ZNF236: variants seen among roughly 807,000 people sequenced by gnomAD.
ZNF236 encodes the protein regulated by glucose.
A neutral mutation model predicts 191.2 loss-of-function variants in ZNF236; 50 were observed. The ratio of observed to expected loss-of-function variants is 0.26; its 90% CI spans 0.21 to 0.33. ZNF236 has a LOEUF of 0.33. Among genes scored for constraint, ZNF236 ranks in the 10% least tolerant of loss-of-function variants. The pLI is 1.00. For synonymous variants in ZNF236, 907 were observed against 928.8 expected (o/e 0.98, Z 0.43); for missense variants, 1,754 against 2,374.5 (o/e 0.74, Z 5.43).
At chr18:76,955,315 G>A (rs1968496867) in intron 27 of ZNF236, among the ~76,000 whole-genome samples, 1 of 152,174 alleles carries the variant, frequency 6.6e-6, no homozygotes, top group Admixed American at 6.5e-5. Context: ...GTGCGGGAGG[G>A]CTGGGGTGGG....
Position 76,881,467 on chromosome 18 carries a change from A to T in ZNF236, c.1372A>T (p.Lys458Ter), listed in dbSNP as rs1275650499. ...ACAGGAAAGCCCGGAGAAACTGGAT[A>T]AAAAAGAAAAAAAAATGATAAAGAA... ...KEQESPEKLD[K>*]KEKKMIKKKS... The change falls in exon 9 of 31, where the codon AAA (lysine) becomes TAA (stop). Residue 458 changes from lysine (K) to a stop codon, truncating the protein, a stop_gained. Coordinates refer to ENST00000320610, the MANE Select transcript of ZNF236 (RefSeq NM_001306089.2). LOFTEE classifies it high-confidence loss of function. 1 of 1,613,120 alleles carries T rather than the reference A, an allele frequency of 6.2e-7. No homozygotes were observed. Among genetic ancestry groups the T allele is most frequent in the African/African-American group, 1.3e-5 (1 of 74,852 alleles).
At chr18:76,930,100 T>A (rs975248959) in intron 25 of ZNF236, among the ~76,000 whole-genome samples, 7 of 152,218 alleles carry the variant, frequency 4.6e-5, no homozygotes, top group African/African-American at 1.7e-4. Context: ...GTATATAAAA[T>A]TGGGAACCAA....
In ZNF236 at chr18:76,849,432, A is replaced by C. The variant is rs187006925; in HGVS notation, c.56-94A>C. The C allele has an allele frequency of 9.0e-6, 9 of 1,000,180 alleles. No homozygotes were observed. The Admixed American group carries it at 2.3e-4, about 26-fold the overall frequency. 62.0% of individuals were successfully genotyped at this position (1,000,180 alleles called of 1,614,324 possible). ...AAATGTCACATAAATCTCTGACATA[A>C]TTTGGTTTTTAAACAATAACCAATA... On this transcript the variant is annotated intron_variant, in intron 1 of 30. Transcript: ENST00000320610.
intron 3 of ZNF236, among the ~76,000 whole-genome samples, chr18:76,866,001 C>T (rs575718465): frequency 3.2e-4 from 48 of 152,278 alleles, no homozygotes; most frequent in Non-Finnish European, 4.6e-4. Context: ...ACTACTCTGT[C>T]CAAATAAATC....
chr18:76,851,855 A>G lies in ZNF236; in HGVS notation c.279A>G (p.Glu93=). The change falls in exon 3 of 31, where the codon GAA becomes GAG. Residue 93 remains glutamate (E), a synonymous_variant. Transcript: ENST00000320610. ...LTLHKCTHSG[E]DPTCPVCNKK... ...TTCATAAATGCACCCACAGCGGGGA[A>G]GATCCTACCTGCCCTGTGTGTAACA... 6.2e-7 allele frequency: 1 copy of G among 1,614,146 alleles called. No homozygotes were observed. Among genetic ancestry groups the G allele is most frequent in the Non-Finnish European group, 8.5e-7 (1 of 1,180,002 alleles).
In ZNF236 at chr18:76,972,272, T is replaced by C. The variant is rs1968917498; in HGVS notation, c.*3933T>C. Among the ~76,000 whole-genome samples the C allele has an allele frequency of 6.6e-6, 1 of 152,236 alleles. No individual in the cohort carries two copies. The highest frequency in any genetic ancestry group is 2.4e-5 in the African/African-American group (1 of 41,462). On this transcript the variant is annotated 3_prime_UTR_variant, in exon 31 of 31. Coordinates refer to ENST00000320610, the MANE Select transcript of ZNF236 (RefSeq NM_001306089.2). ...TGGAGAAAGTGGGAACCACAGAGCT[T>C]TTCGTGGGCCAGATGCCCACATATT...
chr18:76,939,161 C>T (rs866685700), intron 26 of ZNF236, among the ~76,000 whole-genome samples: 12 of 152,076 alleles, frequency 7.9e-5, no homozygotes, highest in Admixed American at 2.0e-4. Context: ...GGGGAAACTC[C>T]GTCGCTACTA....
chr18:76,967,811 C>T (rs1248992477), intron 30 of ZNF236, among the ~76,000 whole-genome samples: 3 of 151,446 alleles, frequency 2.0e-5, no homozygotes, highest in Admixed American at 2.0e-4. Context: ...GTGTAGGGAA[C>T]CCGAGGGCAG....
chr18:76,853,277 C>T (rs973551877), intron 3 of ZNF236, among the ~76,000 whole-genome samples: 6 of 151,930 alleles, frequency 3.9e-5, no homozygotes, highest in South Asian at 4.2e-4. Flanking sequence ...TAGGGTTTCA[C>T]CATGTTGGCC....
Position 76,925,631 on chromosome 18 carries a change from A to C in ZNF236, c.4027+77A>C. ...TGCTGCTTCTGTCTGTTCCCACGAC[A>C]GAAGAGATGTTGTTTACCGTAGCAC... On this transcript the variant is annotated intron_variant, in intron 22 of 30. Transcript: ENST00000320610. This position sits in a 1 kb window ranked among gnomAD's most constrained non-coding sequence, Gnocchi z 5.7. The C allele has an allele frequency of 6.6e-7, 1 of 1,526,328 alleles. No homozygotes were observed. The highest frequency in any genetic ancestry group is 2.0e-5 in the Admixed American group (1 of 50,714). The allele number at this position is 1,526,328 out of a possible 1,614,324, so 94.5% of individuals were successfully genotyped here. A position where few individuals can be genotyped will look rare whatever the true frequency, so the allele number is the denominator to read the frequency against.
chr18:76,908,963 C>CTGTGTGTG (rs10524379), intron 14 of ZNF236, among the ~76,000 whole-genome samples: 11 of 147,228 alleles, frequency 7.5e-5, no homozygotes, highest in African/African-American at 2.5e-4. Context: ...ATGTGTGTGT[C>CTGTGTGTG]TGTGTGTGTG....
intron 1 of ZNF236, among the ~76,000 whole-genome samples, chr18:76,848,787 T>C (rs532469295): frequency 1.6e-4 from 24 of 152,262 alleles, no homozygotes; most frequent in Non-Finnish European, 2.6e-4. Context: ...CACCTCAGCC[T>C]CCCGAATAGG....
intron 3 of ZNF236, among the ~76,000 whole-genome samples, chr18:76,856,696 A>C (rs1976050752): frequency 6.6e-6 from 1 of 152,072 alleles, no homozygotes; most frequent in Non-Finnish European, 1.5e-5. Flanking sequence ...TTATTCTTGC[A>C]AACTTGTGTA....
chr18:76,917,649 G>A (rs879706043), intron 19 of ZNF236, among the ~76,000 whole-genome samples: 16 of 152,252 alleles, frequency 1.1e-4, no homozygotes, highest in Non-Finnish European at 1.9e-4. Context: ...AACACTTGCC[G>A]ACTGTTTCAT....
chr18:76,853,397 G>A (rs893918040), intron 3 of ZNF236, among the ~76,000 whole-genome samples: 2 of 152,042 alleles, frequency 1.3e-5, no homozygotes, highest in South Asian at 2.1e-4. Context: ...TATTTTCTAC[G>A]TGATTTTGGA....
In ZNF236 at chr18:76,919,686, A is replaced by T; in HGVS notation, c.3275-90A>T. The T allele has an allele frequency of 7.0e-7, 1 of 1,419,752 alleles. No homozygotes were observed. The highest frequency in any genetic ancestry group is 9.6e-7 in the Non-Finnish European group (1 of 1,036,600). The allele number at this position is 1,419,752 out of a possible 1,614,324, so 87.9% of individuals were successfully genotyped here. Reference sequence around the variant, plus strand: ...CTTGGTTGAGTTATTAATTTTCATTACATACATACCTATTTAGTTTTAATT... The same window carrying T: ...CTTGGTTGAGTTATTAATTTTCATTTCATACATACCTATTTAGTTTTAATT... On this transcript the variant is annotated intron_variant, in intron 19 of 30. Transcript: ENST00000320610. This position sits in a 1 kb window ranked among gnomAD's most constrained non-coding sequence, Gnocchi z 5.3.
chr18:76,907,224 T>C (rs1254970262), intron 13 of ZNF236, among the ~76,000 whole-genome samples: 1 of 152,224 alleles, frequency 6.6e-6, no homozygotes, highest in East Asian at 1.9e-4. Context: ...GAAAATTTTG[T>C]TTGGAACTGA....
intron 3 of ZNF236, among the ~76,000 whole-genome samples, chr18:76,861,217 C>G (rs1976211265): frequency 1.3e-5 from 2 of 152,216 alleles, no homozygotes; most frequent in African/African-American, 4.8e-5. Context: ...CCTCCCTCAC[C>G]TGGCAGGCTG....
chr18:76,897,741 A>G (rs116391192), intron 10 of ZNF236, among the ~76,000 whole-genome samples: 3,616 of 151,924 alleles, frequency 0.024, 122 homozygotes, highest in African/African-American at 0.08. Context: ...ATGGTACCAA[A>G]CACAGTGCCA....
Sources: gnomAD v4.1 joint callset for allele counts (sites outside exome capture counted in the v4.1 genomes callset) on GRCh38, gnomAD v4.1.1 for gene constraint, Gnocchi (gnomAD v3.1) non-coding constraint, MANE v1.5 for transcripts, NCBI Gene and HGNC (gene_info 2026-07-23, HGNC 2026-07-21) for gene names.